Variants in GPX6 observed in about 807,000 individuals in gnomAD.
The protein encoded by GPX6 is glutathione peroxidase 6 (olfactory).
A neutral mutation model predicts 20.0 loss-of-function variants in GPX6; 21 were observed. The ratio of observed to expected loss-of-function variants is 1.05; its 90% CI spans 0.74 to 1.51. GPX6 has a LOEUF of 1.51. Ranked by LOEUF, GPX6 falls within the 40% of genes most tolerant of loss-of-function variation. The pLI, the probability that GPX6 is intolerant of heterozygous loss-of-function variation, is 0.00. For missense variants in GPX6, 233 were observed against 254.7 expected (o/e 0.91, Z 0.58); for synonymous variants, 75 against 98.0 (o/e 0.77, Z 1.38).
rs1366389273 is a variant in GPX6 at position 28,513,033 on chromosome 6, T to C, written c.88-2129A>G. Among the ~76,000 whole-genome samples the C allele has an allele frequency of 3.3e-5, 5 of 152,124 alleles. No homozygotes were observed. In the East Asian group the frequency reaches 7.7e-4, roughly 23 times the overall value. On this transcript the variant is annotated intron_variant, in intron 1 of 4. Transcript: ENST00000361902. ...GTCAGTGAGGCCAAAAACCCACCAATTTTGAACACAGTAGGAGCACACTGG... is the reference window on the plus strand; with the variant it reads ...GTCAGTGAGGCCAAAAACCCACCAACTTTGAACACAGTAGGAGCACACTGG...
At chr6:28,511,533 G>A (rs951150136) in intron 1 of GPX6, among the ~76,000 whole-genome samples, 2 of 152,244 alleles carry the variant, frequency 1.3e-5, no homozygotes, top group African/African-American at 2.4e-5. Flanking sequence ...ACTCAAATGG[G>A]TCTGTGCCTA....
intron 2 of GPX6, 86 bp from the exon 3 acceptor site, chr6:28,506,515 C>T (rs1466806779): frequency 1.3e-6 from 1 of 778,530 alleles, no homozygotes; most frequent in Admixed American, 1.8e-5. Flanking sequence ...ATCCATTTAT[C>T]ACATGAATAA....
chr6:28,507,674 C>CAT (rs1053722632), intron 2 of GPX6, among the ~76,000 whole-genome samples: 1 of 152,242 alleles, frequency 6.6e-6, no homozygotes, highest in African/African-American at 2.4e-5. Context: ...AAGAGATTCT[C>CAT]ATGCTTTAGC....
chr6:28,513,709 TA>T (rs34695406), intron 1 of GPX6, among the ~76,000 whole-genome samples: 62,393 of 152,022 alleles, frequency 0.41, 14,192 homozygotes, highest in African/African-American at 0.61. Flanking sequence ...AGAGAGGCTA[TA>T]AGTCCTGGCC....
At chr6:28,511,475 G>A (rs1449898381) in intron 1 of GPX6, among the ~76,000 whole-genome samples, 2 of 152,152 alleles carry the variant, frequency 1.3e-5, no homozygotes, top group Non-Finnish European at 2.9e-5. Context: ...CTCCACCCTC[G>A]GGCCTGTGCC....
chr6:28,512,998 C>T (rs1050306084), intron 1 of GPX6, among the ~76,000 whole-genome samples: 13 of 152,048 alleles, frequency 8.5e-5, no homozygotes, highest in African/African-American at 2.4e-4. Context: ...AACTGGGTTT[C>T]ATTCTTGAAG....
chr6:28,514,657 C>T (rs1041916369), intron 1 of GPX6, among the ~76,000 whole-genome samples: 1 of 152,174 alleles, frequency 6.6e-6, no homozygotes, highest in Non-Finnish European at 1.5e-5. Context: ...AATTCCTGGG[C>T]TCCCCCTAAA....
At position 28,503,484 on chromosome 6, in the gene GPX6, TGA is replaced by T. The variant is rs1762775766; in HGVS notation, c.*806_*807del. The T allele has an allele frequency of 6.6e-6, 1 of 152,286 alleles. No homozygotes were observed. The highest frequency in any genetic ancestry group is 1.5e-5 in the Non-Finnish European group (1 of 68,120). 9.4% of individuals were successfully genotyped at this position (152,286 alleles called of 1,614,324 possible). A position where few individuals can be genotyped will look rare whatever the true frequency, so the allele number is the denominator to read the frequency against. On this transcript the variant is annotated 3_prime_UTR_variant, in exon 5 of 5. Coordinates refer to ENST00000361902, the MANE Select transcript of GPX6 (RefSeq NM_182701.1). ...CAGGTTGCTGCAGAATTTTTAAATT[TGA>T]GACAGTGATCAAAATAAGCTTAAAG...
intron 2 of GPX6, among the ~76,000 whole-genome samples, chr6:28,508,130 G>A (rs1469433508): frequency 1.3e-5 from 2 of 152,134 alleles, no homozygotes; most frequent in African/African-American, 4.8e-5. Context: ...TTGAATGTTG[G>A]AAGTATATTG....
intron 1 of GPX6, among the ~76,000 whole-genome samples, chr6:28,511,753 C>A (rs1462579377): frequency 6.6e-6 from 1 of 152,272 alleles, no homozygotes; most frequent in African/African-American, 2.4e-5. Flanking sequence ...TTAAGAGGCC[C>A]TTCAGCCCGC....
chr6:28,513,443 C>CG (rs1762952760), intron 1 of GPX6, among the ~76,000 whole-genome samples: 1 of 152,128 alleles, frequency 6.6e-6, no homozygotes. Flanking sequence ...GTTTGAGCGG[C>CG]GGGGAACTGA....
intron 2 of GPX6, among the ~76,000 whole-genome samples, chr6:28,508,420 C>G (rs1024755609): frequency 2.6e-5 from 4 of 152,126 alleles, no homozygotes; most frequent in Non-Finnish European, 5.9e-5. Context: ...TTCTCACTTA[C>G]TAAATGATAC....
chr6:28,507,731 A>AT (rs758545400), intron 2 of GPX6, among the ~76,000 whole-genome samples: 25 of 152,188 alleles, frequency 1.6e-4, no homozygotes, highest in Non-Finnish European at 3.1e-4. Context: ...TGCCCAGCTA[A>AT]TTTTTTGTAA....
intron 1 of GPX6, among the ~76,000 whole-genome samples, chr6:28,513,082 A>G (rs1283308543): frequency 6.6e-6 from 1 of 152,226 alleles, no homozygotes; most frequent in Non-Finnish European, 1.5e-5. Context: ...GCGGAAGGAC[A>G]TGGAGTTTGG....
At chr6:28,514,161 G>A (rs1290615754) in intron 1 of GPX6, among the ~76,000 whole-genome samples, 1 of 152,194 alleles carries the variant, frequency 6.6e-6, no homozygotes, top group African/African-American at 2.4e-5. Flanking sequence ...CACCATGTGA[G>A]CTGTCATTTG....
intron 2 of GPX6, 52 bp downstream of exon 2, chr6:28,510,699 T>C (rs1301146366): frequency 1.3e-6 from 2 of 1,575,194 alleles, no homozygotes. Flanking sequence ...GGAATTAGAA[T>C]ATGGCTATCT....
chr6:28,511,910 G>T lies in GPX6; in HGVS notation c.88-1006C>A, dbSNP rs373928642. Among the ~76,000 whole-genome samples, 581 of 152,336 alleles carry T rather than the reference G, an allele frequency of 3.8e-3. 8 individuals carry two copies. The highest frequency in any genetic ancestry group is 0.01 in the Middle Eastern group (3 of 294). ...CCAGCGCGAATTCCACGTGGGAGTGGGCTCAGCGGGCCCCGCACTCGGAGC... is the reference window on the plus strand; with the variant it reads ...CCAGCGCGAATTCCACGTGGGAGTGTGCTCAGCGGGCCCCGCACTCGGAGC... On this transcript the variant is annotated intron_variant, in intron 1 of 4. Coordinates refer to ENST00000361902, the MANE Select transcript of GPX6 (RefSeq NM_182701.1).
intron 1 of GPX6, 117 bp from the exon 2 acceptor site, chr6:28,511,021 T>C (rs972741233): frequency 3.5e-6 from 3 of 855,428 alleles, no homozygotes; most frequent in African/African-American, 3.4e-5. Context: ...TTCTAAGAAC[T>C]GAAGGGATCT....
chr6:28,511,925 G>T (rs1205079328), intron 1 of GPX6, among the ~76,000 whole-genome samples: 3 of 152,096 alleles, frequency 2.0e-5, no homozygotes, highest in African/African-American at 4.8e-5. Context: ...AGCGGGCCCC[G>T]CACTCGGAGC....
Sources: gnomAD v4.1 joint callset for allele counts (sites outside exome capture counted in the v4.1 genomes callset) on GRCh38, gnomAD v4.1.1 for gene constraint, MANE v1.5 for transcripts, NCBI Gene and HGNC (gene_info 2026-07-23, HGNC 2026-07-21) for gene names.